ITPR3: variants seen among roughly 807,000 people sequenced by gnomAD.
ITPR3 encodes the protein inositol 1,4,5-trisphosphate receptor type 3.
In ITPR3, 173 loss-of-function variants were observed where a neutral mutation model predicts 293.2. The ratio of observed to expected loss-of-function variants is 0.59; its 90% CI spans 0.52 to 0.67. The LOEUF (loss-of-function observed/expected upper bound fraction) is 0.67, where lower values mean the gene tolerates loss of function less well. Among genes scored for constraint, ITPR3 ranks in the 30% least tolerant of loss-of-function variants. ITPR3 has a pLI of 0.00. For missense variants in ITPR3, 2,796 were observed against 3,592.1 expected (o/e 0.78, Z 5.66); for synonymous variants, 1,295 against 1,444.4 (o/e 0.90, Z 2.35).
In ITPR3 at chr6:33,628,353, C is replaced by T. The variant is rs115456524; in HGVS notation, c.89+6662C>T. Among the ~76,000 whole-genome samples, 1,067 of 152,308 alleles carry T rather than the reference C, an allele frequency of 7.0e-3. 9 individuals are homozygous for T. The highest frequency in any genetic ancestry group is 0.011 in the Non-Finnish European group (738 of 68,026). On this transcript the variant is annotated intron_variant, in intron 1 of 57. Coordinates refer to ENST00000605930, the MANE Select transcript of ITPR3 (RefSeq NM_002224.4). ...AGATCTCTACTAAGTTCATCACAGG[C>T]CTCTGAATGTGAGCTCTGAGCCCCC...
chr6:33,666,184 T>C lies in ITPR3; in HGVS notation c.1551+208T>C, dbSNP rs1218285708. Among the ~76,000 whole-genome samples the C allele has an allele frequency of 1.3e-5, 2 of 152,090 alleles. No homozygotes were observed. Among genetic ancestry groups the C allele is most frequent in the Non-Finnish European group, 2.9e-5 (2 of 68,030 alleles). ...CGCCGTGATTCTTACCCCGTTTTAC[T>C]GGTGAGGAAGCTGAAACACAGGCCA... On this transcript the variant is annotated intron_variant, in intron 14 of 57. Coordinates refer to ENST00000605930, the MANE Select transcript of ITPR3 (RefSeq NM_002224.4). This position sits in a 1 kb window ranked among gnomAD's most constrained non-coding sequence, Gnocchi z 5.1.
Position 33,678,722 on chromosome 6 carries a change from C to T in ITPR3, c.3855C>T (p.His1285=). ...CSEISEPVLQ[H]FVHLLATHGR... ...AGATCAGCGAGCCTGTGTTGCAGCA[C>T]TTCGTGCACCTGCTGGCCACGCACG... The change falls in exon 30 of 58, where the codon CAC becomes CAT. Residue 1285 remains histidine (H), a synonymous_variant. Coordinates refer to ENST00000605930, the MANE Select transcript of ITPR3 (RefSeq NM_002224.4). The T allele has an allele frequency of 6.2e-7, 1 of 1,613,488 alleles. No homozygotes were observed. Among genetic ancestry groups the T allele is most frequent in the Non-Finnish European group, 8.5e-7 (1 of 1,179,868 alleles).
At chr6:33,688,943 A>C (rs1411471788) in intron 49 of ITPR3, among the ~76,000 whole-genome samples, 162 bp downstream of exon 49, 1 of 152,190 alleles carries the variant, frequency 6.6e-6, no homozygotes, top group Non-Finnish European at 1.5e-5. Flanking sequence ...CATCATGGAG[A>C]CACAGGTGCG....
chr6:33,658,596 TC>T lies in ITPR3; in HGVS notation c.370-68del. ...AGAATGTGACCAAGGGTCTAGGGGA[TC>T]CCCCCATATCCCCTCCCTAATGGGC... On this transcript the variant is annotated intron_variant, in intron 4 of 57. Coordinates refer to ENST00000605930, the MANE Select transcript of ITPR3 (RefSeq NM_002224.4). This position sits in a 1 kb window ranked among gnomAD's most constrained non-coding sequence, Gnocchi z 6.1. 1.9e-6 allele frequency: 3 copies of T among 1,541,476 alleles called. No homozygotes were observed. Among genetic ancestry groups the T allele is most frequent in the Non-Finnish European group, 2.7e-6 (3 of 1,127,820 alleles).
rs777475743 is a variant in ITPR3, at chr6:33,663,519, G to A, written c.974G>A (p.Gly325Asp). The A allele has an allele frequency of 4.4e-6, 7 of 1,606,466 alleles. No individual in the cohort carries two copies. The South Asian group carries it at 6.7e-5, about 15-fold the overall frequency. Residue 325 changes from glycine to aspartate, a missense_variant, in exon 10 of 58, where the codon GGT becomes GAT. Physicochemically the swap from Gly to Asp is moderately conservative, Grantham distance 94. This residue lies in a region of ITPR3 where 955 missense variants were observed against 1,180.8 expected (regional missense o/e 0.81). Coordinates refer to ENST00000605930, the MANE Select transcript of ITPR3 (RefSeq NM_002224.4). ...GTCCAGGAGAACCCCAGTTACAAAGGTGATGCCTCAGATCCCAAGGCAGCA... is the reference window on the plus strand; with the variant it reads ...GTCCAGGAGAACCCCAGTTACAAAGATGATGCCTCAGATCCCAAGGCAGCA... ...LAAEENPSYK[G>D]DASDPKAAGM... is the part of the protein sequence containing the mutation.
At position 33,677,051 on chromosome 6, in the gene ITPR3, G is replaced by A; in HGVS notation, c.3484G>A (p.Gly1162Arg). The A allele has an allele frequency of 6.2e-7, 1 of 1,614,200 alleles. No individual in the cohort carries two copies. The highest frequency in any genetic ancestry group is 8.5e-7 in the Non-Finnish European group (1 of 1,180,046). The change falls in exon 27 of 58, where the codon GGG (glycine) becomes AGG (arginine). Residue 1162 changes from glycine to arginine, a missense_variant. Gly to Arg is a moderately radical substitution (Grantham distance 125, BLOSUM62 -2). Coordinates refer to ENST00000605930, the MANE Select transcript of ITPR3 (RefSeq NM_002224.4). The part of the protein sequence containing the change: ...TDEEGFLHPP[G>R]EKSSENYQIV... Reference sequence around the variant, plus strand: ...CGAGGAGGGCTTTCTGCACCCACCAGGGGAGAAAAGCAGTGAGAACTACCA... The same window carrying A: ...CGAGGAGGGCTTTCTGCACCCACCAAGGGAGAAAAGCAGTGAGAACTACCA...
At chr6:33,625,690 C>T (rs1763535265) in intron 1 of ITPR3, among the ~76,000 whole-genome samples, 2 of 152,118 alleles carry the variant, frequency 1.3e-5, no homozygotes, top group African/African-American at 2.4e-5. Context: ...CTCTCAGGGC[C>T]TCTGGACCTG....
At chr6:33,625,494 G>A (rs1763530049) in intron 1 of ITPR3, among the ~76,000 whole-genome samples, 1 of 152,216 alleles carries the variant, frequency 6.6e-6, no homozygotes, top group African/African-American at 2.4e-5. Flanking sequence ...CTCCCAAAGT[G>A]TTGGGATTAC....
chr6:33,694,705 C>T, intron 56 of ITPR3: 2 of 560,628 alleles, frequency 3.6e-6, no homozygotes, highest in South Asian at 2.3e-5. Context: ...TAACGGAAGT[C>T]AGCCTGTCTC....
In ITPR3 at chr6:33,682,792, C is replaced by A; in HGVS notation, c.4597+148C>A. 9.3e-7 allele frequency: 1 copy of A among 1,075,228 alleles called. No homozygotes were observed. Among genetic ancestry groups the A allele is most frequent in the Non-Finnish European group, 1.3e-6 (1 of 789,500 alleles). 66.6% of individuals were successfully genotyped at this position (1,075,228 alleles called of 1,614,324 possible). A position where few individuals can be genotyped will look rare whatever the true frequency, so the allele number is the denominator to read the frequency against. ...GTCAGTAAGTTCTTCTTGGCGTCTG[C>A]CTCATCCTGGCAATTGAGAGAAGCT... On this transcript the variant is annotated intron_variant, in intron 34 of 57. Transcript: ENST00000605930. The surrounding 1 kb of genome is among the most constrained non-coding windows in gnomAD (Gnocchi z 5.4).
intron 49 of ITPR3, 79 bp from the exon 50 acceptor site, chr6:33,689,159 C>A: frequency 6.6e-7 from 1 of 1,522,670 alleles, no homozygotes; most frequent in Non-Finnish European, 8.9e-7. Context: ...GAGAAGGTGG[C>A]TTTTCGGCAC....
rs759141196 is a variant in ITPR3, at chr6:33,640,511, G to A, written c.117G>A (p.Glu39=). 1.8e-5 allele frequency: 29 copies of A among 1,613,708 alleles called. No individual in the cohort carries two copies. The highest frequency in any genetic ancestry group is 2.3e-5 in the Non-Finnish European group (27 of 1,179,796). ...TGGTGGATGACCGCTGTGTGGTGGA[G>A]CCCGCGGCCGGGGACCTGGACAACC... The part of the protein sequence containing the change: ...LGLVDDRCVV[E]PAAGDLDNPP... Residue 39 remains glutamate (E), a synonymous_variant, in exon 2 of 58, where the codon GAG becomes GAA. Coordinates refer to ENST00000605930, the MANE Select transcript of ITPR3 (RefSeq NM_002224.4).
Position 33,665,983 on chromosome 6 carries a change from G to A in ITPR3, c.1551+7G>A, listed in dbSNP as rs755651506. 6.3e-7 allele frequency: 1 copy of A among 1,597,106 alleles called. No homozygotes were observed. Among genetic ancestry groups the A allele is most frequent in the Admixed American group, 1.7e-5 (1 of 57,296 alleles). On this transcript the variant is annotated splice_region_variant and intron_variant, in intron 14 of 57. Coordinates refer to ENST00000605930, the MANE Select transcript of ITPR3 (RefSeq NM_002224.4). Reference sequence around the variant, plus strand: ...GCAGAACATCCTCAAACAGGTGCGTGTGCACCCATGAGGGGACGCAGAGGG... The same window carrying A: ...GCAGAACATCCTCAAACAGGTGCGTATGCACCCATGAGGGGACGCAGAGGG...
At chr6:33,678,173 T>C (rs1041860564) in intron 28 of ITPR3, among the ~76,000 whole-genome samples, 2 of 152,160 alleles carry the variant, frequency 1.3e-5, no homozygotes, top group Non-Finnish European at 2.9e-5. Flanking sequence ...TCTCAGTATG[T>C]CCCAGGCCTC....
chr6:33,684,840 A>C lies in ITPR3; in HGVS notation c.5204A>C (p.Lys1735Thr). 1 of 1,614,008 alleles carries C rather than the reference A, an allele frequency of 6.2e-7. No homozygotes were observed. Among genetic ancestry groups the C allele is most frequent in the Non-Finnish European group, 8.5e-7 (1 of 1,179,970 alleles). ...QCRLDKEGAT[K>T]LVCDLITSTK... is the part of the protein sequence containing the mutation. ...CGGCTGGACAAGGAGGGGGCCACCA[A>C]GTTGGTATGCGACCTCATCACCAGC... Residue 1735 changes from lysine (K) to threonine (T), a missense_variant, in exon 39 of 58, where the codon AAG becomes ACG. Transcript: ENST00000605930. This position sits in a 1 kb window ranked among gnomAD's most constrained non-coding sequence, Gnocchi z 4.2.
At chr6:33,694,729 TG>T in intron 56 of ITPR3, 194 bp from the exon 57 acceptor site, 2 of 634,494 alleles carry the variant, frequency 3.2e-6, no homozygotes, top group Non-Finnish European at 5.3e-6. Flanking sequence ...GGCAGAGGGT[TG>T]ACAAGAGGGT....
chr6:33,643,356 G>A (rs1426659068), intron 2 of ITPR3, among the ~76,000 whole-genome samples: 2 of 152,178 alleles, frequency 1.3e-5, no homozygotes, highest in Admixed American at 6.5e-5. Context: ...CCCACCTCGG[G>A]AAGGAATCCC....
intron 1 of ITPR3, among the ~76,000 whole-genome samples, chr6:33,627,225 ATT>A (rs1289756680): frequency 3.3e-5 from 2 of 60,494 alleles, no homozygotes; most frequent in African/African-American, 6.0e-5. Context: ...AAATATATAT[ATT>A]TTTTCAGATT....
chr6:33,674,367 C>A, intron 24 of ITPR3, 102 bp downstream of exon 24: 1 of 1,092,016 alleles, frequency 9.2e-7, no homozygotes, highest in Non-Finnish European at 1.4e-6. Context: ...CTCTTCCTCT[C>A]TGCCATTCCC....
Sources: allele counts gnomAD v4.1 joint callset (sites outside exome capture counted in the v4.1 genomes callset), GRCh38; gene constraint gnomAD v4.1.1; regional missense constraint gnomAD v4.1.1; non-coding constraint Gnocchi (gnomAD v3.1); transcripts MANE v1.5; gene names NCBI Gene and HGNC (gene_info 2026-07-23, HGNC 2026-07-21).